Variants in EIF2B3 observed in about 807,000 individuals in gnomAD.
EIF2B3 encodes eukaryotic translation initiation factor 2B subunit gamma.
A neutral mutation model predicts 54.1 loss-of-function variants in EIF2B3; 20 were observed. That is an observed-to-expected ratio of 0.37 (90% CI 0.26 to 0.54). The LOEUF (loss-of-function observed/expected upper bound fraction) is 0.54, where lower values mean the gene tolerates loss of function less well. Among genes scored for constraint, EIF2B3 ranks in the 20% least tolerant of loss-of-function variants. The pLI is 0.86. For synonymous variants in EIF2B3, 153 were observed against 188.1 expected, an observed-to-expected ratio of 0.81 and a Z score of 1.52; for missense variants, 448 against 547.8, an observed-to-expected ratio of 0.82 and a Z score of 1.82.
intron 3 of EIF2B3, among the ~76,000 whole-genome samples, chr1:44,972,766 C>T (rs1008926284): frequency 1.6e-4 from 24 of 152,258 alleles, no homozygotes; most frequent in African/African-American, 5.5e-4. Context: ...CTCTCGAGCA[C>T]AAGCAGTCCT....
At chr1:44,957,969 G>C (rs185224734) in intron 3 of EIF2B3, among the ~76,000 whole-genome samples, 1 of 152,256 alleles carries the variant, frequency 6.6e-6, no homozygotes, top group East Asian at 1.9e-4. Context: ...AATCCCACTT[G>C]TAAGAATTTA....
chr1:44,958,720 T>C, intron 3 of EIF2B3: 2 of 1,590,578 alleles, frequency 1.3e-6, no homozygotes, highest in Non-Finnish European at 1.7e-6. Context: ...AACAGTACCC[T>C]TTCTGGAAAG....
chr1:44,941,448 G>A, intron 4 of EIF2B3, 58 bp downstream of exon 4: 1 of 1,538,578 alleles, frequency 6.5e-7, no homozygotes, highest in Non-Finnish European at 8.8e-7. Context: ...GGGAAAGCAT[G>A]AGTGAGAATA....
At chr1:44,854,666 C>T (rs773041005) in intron 11 of EIF2B3, among the ~76,000 whole-genome samples, 3 of 150,904 alleles carry the variant, frequency 2.0e-5, no homozygotes, top group Non-Finnish European at 2.9e-5. Flanking sequence ...CAGCTCACCA[C>T]AACCTCTGCC....
At chr1:44,965,218 T>C (rs985700317) in intron 3 of EIF2B3, among the ~76,000 whole-genome samples, 1 of 152,208 alleles carries the variant, frequency 6.6e-6, no homozygotes, top group East Asian at 1.9e-4. Context: ...TGAGTCCTGT[T>C]AGGAGATTTG....
intron 6 of EIF2B3, among the ~76,000 whole-genome samples, chr1:44,882,822 C>T (rs1000809570): frequency 1.3e-5 from 2 of 151,656 alleles, no homozygotes; most frequent in Non-Finnish European, 2.9e-5. Flanking sequence ...GCCATGTTGG[C>T]CAAGCTGGTC....
In EIF2B3 at chr1:44,931,200, TAAAG is replaced by T. The variant is rs574423951; in HGVS notation, c.455-4465_455-4462del. ...TTCCAAGTTGGAAAGGCCCAAGTGA[TAAAG>T]AAAGGAGGGTAGCTTCTGGCCAACA... On this transcript the variant is annotated intron_variant, in intron 4 of 11. Coordinates refer to ENST00000360403, the MANE Select transcript of EIF2B3 (RefSeq NM_020365.5). 1.7e-3 allele frequency among the ~76,000 whole-genome samples: 265 copies of T among 152,280 alleles called. 1 individual carries two copies. The highest frequency in any genetic ancestry group is 6.1e-3 in the African/African-American group (252 of 41,568).
At chr1:44,926,971 C>G (rs1039226588) in intron 4 of EIF2B3, among the ~76,000 whole-genome samples, 3 of 151,212 alleles carry the variant, frequency 2.0e-5, no homozygotes, top group African/African-American at 7.4e-5. Context: ...ACTGTCTCTA[C>G]TAAAAATACA....
chr1:44,882,899 G>A (rs1655451223), intron 6 of EIF2B3, among the ~76,000 whole-genome samples: 1 of 149,984 alleles, frequency 6.7e-6, no homozygotes, highest in Non-Finnish European at 1.5e-5. Flanking sequence ...ACAGGCATGA[G>A]CCACTGTGCC....
intron 8 of EIF2B3, among the ~76,000 whole-genome samples, chr1:44,875,982 C>A: frequency 6.6e-6 from 1 of 152,230 alleles, no homozygotes; most frequent in Non-Finnish European, 1.5e-5. Context: ...AGACGGGTTT[C>A]GCTGTGTTGG....
At chr1:44,871,780 T>A (rs1273013893) in intron 10 of EIF2B3, among the ~76,000 whole-genome samples, 2 of 152,068 alleles carry the variant, frequency 1.3e-5, no homozygotes, top group African/African-American at 4.8e-5. Context: ...AATAGGGTAG[T>A]TGGGGAAGGT....
intron 1 of EIF2B3, among the ~76,000 whole-genome samples, chr1:44,981,764 C>A (rs868331601): frequency 3.3e-5 from 5 of 151,880 alleles, no homozygotes; most frequent in Middle Eastern, 3.4e-3. Context: ...GGCGAGACCC[C>A]ATCTCTACCA....
intron 5 of EIF2B3, 127 bp from the exon 6 acceptor site, chr1:44,897,571 T>C: frequency 1.3e-6 from 1 of 760,830 alleles, no homozygotes. Flanking sequence ...TGCCTACATC[T>C]CTTTCTGGGG....
intron 2 of EIF2B3, among the ~76,000 whole-genome samples, chr1:44,979,995 G>A (rs778463101): frequency 1.3e-5 from 2 of 151,856 alleles, no homozygotes; most frequent in Non-Finnish European, 2.9e-5. Context: ...CAAAGAGAGA[G>A]CTATTAAGCT....
chr1:44,938,865 A>G (rs915986467), intron 4 of EIF2B3, among the ~76,000 whole-genome samples: 1 of 151,576 alleles, frequency 6.6e-6, no homozygotes, highest in African/African-American at 2.4e-5. Flanking sequence ...TGGGAGACTG[A>G]GGCAGGGAGA....
intron 3 of EIF2B3, 89 bp downstream of exon 3, chr1:44,978,226 G>A (rs1190877769): frequency 3.1e-5 from 47 of 1,498,190 alleles, no homozygotes; most frequent in Non-Finnish European, 4.2e-5. Context: ...GCGAGGTTCT[G>A]TCTCAAAAAA....
chr1:44,947,386 T>C (rs914759459), intron 3 of EIF2B3, among the ~76,000 whole-genome samples: 5 of 152,146 alleles, frequency 3.3e-5, no homozygotes, highest in Non-Finnish European at 5.9e-5. Context: ...TACCAAGCCA[T>C]GGCAAAGCCC....
chr1:44,896,878 A>G (rs906825781), intron 6 of EIF2B3, among the ~76,000 whole-genome samples: 2 of 152,198 alleles, frequency 1.3e-5, no homozygotes, highest in African/African-American at 4.8e-5. Flanking sequence ...CTCTGCACTC[A>G]CTGAAGTGGG....
chr1:44,961,178 A>AT (rs1557706106), intron 3 of EIF2B3, among the ~76,000 whole-genome samples: 2 of 151,208 alleles, frequency 1.3e-5, no homozygotes, highest in Non-Finnish European at 2.9e-5. Context: ...TCTACAAAAA[A>AT]TAAAAAAAAG....
Sources: allele counts gnomAD v4.1 joint callset (sites outside exome capture counted in the v4.1 genomes callset), GRCh38; gene constraint gnomAD v4.1.1; transcripts MANE v1.5; gene names NCBI Gene and HGNC (gene_info 2026-07-23, HGNC 2026-07-21).